The following RNF214 variants were observed in gnomAD, a reference collection of about 807,000 sequenced individuals.
RNF214 encodes ring finger protein 214.
Under a neutral mutation model 75.9 loss-of-function variants are expected in RNF214, and 25 were observed. That is an observed-to-expected ratio of 0.33 (90% CI 0.24 to 0.46). The LOEUF (loss-of-function observed/expected upper bound fraction) is 0.46, where lower values mean the gene tolerates loss of function less well. Among genes scored for constraint, RNF214 ranks in the 20% least tolerant of loss-of-function variants. RNF214 has a pLI of 1.00. For synonymous variants in RNF214, 314 were observed against 308.8 expected (o/e 1.02, Z -0.18); for missense variants, 725 against 857.5 (o/e 0.85, Z 1.93).
intron 6 of RNF214, among the ~76,000 whole-genome samples, chr11:117,272,265 C>T (rs946959931): frequency 6.6e-6 from 1 of 152,174 alleles, no homozygotes; most frequent in Non-Finnish European, 1.5e-5. Context: ...GCCACCTTGC[C>T]TGGACCAAAG....
chr11:117,281,592 T>A lies in RNF214; in HGVS notation c.1237-8T>A. On this transcript the variant is annotated splice_polypyrimidine_tract_variant and splice_region_variant and intron_variant, in intron 9 of 14. Coordinates refer to ENST00000300650, the MANE Select transcript of RNF214 (RefSeq NM_207343.4). ...TTCAGCAGTAAAAATAATCCTTTTT[T>A]TTTTTAGGACCAATTTAATAGTCAT... The A allele has an allele frequency of 1.2e-6, 2 of 1,603,624 alleles. No individual in the cohort carries two copies. Among genetic ancestry groups the A allele is most frequent in the Admixed American group, 3.3e-5 (2 of 59,920 alleles).
In RNF214 at chr11:117,281,958, T is replaced by A; in HGVS notation, c.1400T>A (p.Ile467Asn). 6.2e-7 allele frequency: 1 copy of A among 1,614,050 alleles called. No homozygotes were observed. Among genetic ancestry groups the A allele is most frequent in the Non-Finnish European group, 8.5e-7 (1 of 1,179,916 alleles). Residue 467 changes from isoleucine (I) to asparagine (N), a missense_variant, in exon 11 of 15, where the codon ATT becomes AAT. Ile to Asn is a moderately radical substitution (Grantham distance 149). Transcript: ENST00000300650. ...PSLAPRMPFSIGQVTMPMVMP... is the reference protein window; with the variant it reads ...PSLAPRMPFSNGQVTMPMVMP... ...CTGGCTCCTCGGATGCCCTTCTCCA[T>A]TGGGCAGGTCACAATGCCCATGGTT...
intron 6 of RNF214, among the ~76,000 whole-genome samples, chr11:117,273,646 A>G (rs1394048491): frequency 1.3e-5 from 2 of 152,208 alleles, no homozygotes; most frequent in African/African-American, 2.4e-5. Context: ...TAATGATTGC[A>G]GAGCATTGAG....
At chr11:117,266,803 A>G (rs923455504) in intron 6 of RNF214, among the ~76,000 whole-genome samples, 7 of 147,874 alleles carry the variant, frequency 4.7e-5, no homozygotes, top group African/African-American at 7.5e-5. Flanking sequence ...TTTCTTTGCA[A>G]TTTTTTTGTT....
Position 117,265,516 on chromosome 11 carries a change from C to T in RNF214, c.960-14392C>T, listed in dbSNP as rs138333610. 2.2e-4 allele frequency among the ~76,000 whole-genome samples: 33 copies of T among 152,060 alleles called. 2 individuals carry two copies. Among genetic ancestry groups the T allele is most frequent in the African/African-American group, 6.3e-4 (26 of 41,484 alleles). On this transcript the variant is annotated intron_variant, in intron 6 of 14. Coordinates refer to ENST00000300650, the MANE Select transcript of RNF214 (RefSeq NM_207343.4). ...GCAACCTCTGCCTCCAGGGTTCAAG[C>T]GATTCTCCTGTCTCAGTCTCCTGAG...
At chr11:117,267,154 G>C (rs11216343) in intron 6 of RNF214, among the ~76,000 whole-genome samples, 1 of 152,068 alleles carries the variant, frequency 6.6e-6, no homozygotes, top group Non-Finnish European at 1.5e-5. Context: ...GATTTTATCA[G>C]ATATGTATTT....
Position 117,282,477 on chromosome 11 carries a change from C to A in RNF214, c.1786C>A (p.Leu596Ile). Residue 596 changes from leucine to isoleucine, a missense_variant, in exon 12 of 15, where the codon CTT becomes ATT. This residue lies in a region of RNF214 where 363 missense variants were observed against 513.0 expected (regional missense o/e 0.71). Transcript: ENST00000300650. The stretch of plus-strand genomic sequence containing the variant: ...CATGGCAGGCCTGACCATGGAGGAA[C>A]TTATCCAGTTGGTTGCTGCACGACT... ...TTMAGLTMEELIQLVAARLAE... is the reference protein window; with the variant it reads ...TTMAGLTMEEIIQLVAARLAE... 6 of 1,614,168 alleles carry A rather than the reference C, an allele frequency of 3.7e-6. No individual in the cohort carries two copies. Among genetic ancestry groups the A allele is most frequent in the Non-Finnish European group, 4.2e-6 (5 of 1,180,034 alleles).
intron 4 of RNF214, among the ~76,000 whole-genome samples, chr11:117,240,365 A>ATT (rs1368298154): frequency 7.3e-6 from 1 of 137,164 alleles, no homozygotes; most frequent in Admixed American, 7.8e-5. Flanking sequence ...ACAGAGTGAG[A>ATT]CCCTGTCTCA....
At chr11:117,252,818 C>A (rs1591825593) in intron 6 of RNF214, among the ~76,000 whole-genome samples, 2 of 152,154 alleles carry the variant, frequency 1.3e-5, no homozygotes, top group African/African-American at 4.8e-5. Flanking sequence ...CCTCACCTGG[C>A]CTGAAATTTT....
chr11:117,270,404 T>G lies in RNF214; in HGVS notation c.960-9504T>G, dbSNP rs138270836. Among the ~76,000 whole-genome samples the G allele has an allele frequency of 6.0e-3, 919 of 151,918 alleles. 8 individuals carry two copies. Among genetic ancestry groups the G allele is most frequent in the African/African-American group, 0.021 (852 of 41,472 alleles). ...TCCCAAGTAGCTGGGCCTACAAGCATGTGCCACCACACCACTCTAATTTAT... is the reference window on the plus strand; with the variant it reads ...TCCCAAGTAGCTGGGCCTACAAGCAGGTGCCACCACACCACTCTAATTTAT... On this transcript the variant is annotated intron_variant, in intron 6 of 14. Transcript: ENST00000300650.
At chr11:117,269,185 C>T (rs1269328187) in intron 6 of RNF214, among the ~76,000 whole-genome samples, 2 of 151,966 alleles carry the variant, frequency 1.3e-5, no homozygotes, top group African/African-American at 4.8e-5. Flanking sequence ...AGGAGGATTG[C>T]TTGAGGCCAG....
chr11:117,281,848 C>G (rs2034133597), intron 10 of RNF214, 46 bp from the exon 11 acceptor site: 1 of 1,590,162 alleles, frequency 6.3e-7, no homozygotes, highest in African/African-American at 1.4e-5. Context: ...CCTAAACTTT[C>G]TTTTTCTTCC....
chr11:117,244,521 A>G lies in RNF214; in HGVS notation c.755A>G (p.Asn252Ser), dbSNP rs1442226311. 1.4e-5 allele frequency: 22 copies of G among 1,612,826 alleles called. No individual in the cohort carries two copies. The highest frequency in any genetic ancestry group is 1.9e-5 in the Non-Finnish European group (22 of 1,179,224). The change falls in exon 5 of 15, where the codon AAT becomes AGT. Residue 252 changes from asparagine to serine, a missense_variant. Asn to Ser is a conservative substitution (Grantham distance 46). Coordinates refer to ENST00000300650, the MANE Select transcript of RNF214 (RefSeq NM_207343.4). ...EVLDKQRQVE[N>S]QLQVQLKQLQ... Reference sequence around the variant, plus strand: ...CTGGACAAACAGAGGCAAGTGGAGAATCAGCTCCAAGTGCAATTAAAGCAG... The same window carrying G: ...CTGGACAAACAGAGGCAAGTGGAGAGTCAGCTCCAAGTGCAATTAAAGCAG...
At position 117,281,306 on chromosome 11, in the gene RNF214, C is replaced by G. The variant is rs369582263; in HGVS notation, c.1146-8C>G. 3 of 1,605,866 alleles carry G rather than the reference C, an allele frequency of 1.9e-6. No homozygotes were observed. The highest frequency in any genetic ancestry group is 1.3e-5 in the African/African-American group (1 of 74,768). ...TAAATCTGTAAATTCCTGTTGGTTT[C>G]TTGAAAGGTCAACTCCCCCAACACT... On this transcript the variant is annotated splice_region_variant and splice_polypyrimidine_tract_variant and intron_variant, in intron 8 of 14. Coordinates refer to ENST00000300650, the MANE Select transcript of RNF214 (RefSeq NM_207343.4).
intron 6 of RNF214, among the ~76,000 whole-genome samples, chr11:117,278,270 C>T (rs2034056308): frequency 6.6e-6 from 1 of 152,164 alleles, no homozygotes; most frequent in African/African-American, 2.4e-5. Flanking sequence ...CGCCATTGCA[C>T]TCTAGCCTGG....
chr11:117,238,340 G>C (rs979964869), intron 2 of RNF214, among the ~76,000 whole-genome samples: 1 of 152,220 alleles, frequency 6.6e-6, no homozygotes, highest in Non-Finnish European at 1.5e-5. Context: ...AGGATGTTGA[G>C]ACTGTAGTGA....
intron 13 of RNF214, 23 bp from the exon 14 acceptor site, chr11:117,283,092 A>G (rs1424789380): frequency 6.4e-7 from 1 of 1,573,462 alleles, no homozygotes; most frequent in Non-Finnish European, 8.7e-7. Flanking sequence ...TTACCTTTTG[A>G]TCATGCCGCC....
chr11:117,250,600 T>TA (rs2134374565), intron 6 of RNF214, among the ~76,000 whole-genome samples: 1 of 49,716 alleles, frequency 2.0e-5, no homozygotes, highest in Non-Finnish European at 3.0e-5. Context: ...TTTATTTATT[T>TA]ATTTATTTAT....
At chr11:117,232,955 C>T (rs531227166) in intron 1 of RNF214, among the ~76,000 whole-genome samples, 244 of 151,444 alleles carry the variant, frequency 1.6e-3, no homozygotes, top group African/African-American at 5.7e-3. Flanking sequence ...GGGGTCTGGT[C>T]CGAGCCAGCG....
Sources: allele counts gnomAD v4.1 joint callset (sites outside exome capture counted in the v4.1 genomes callset), GRCh38; gene constraint gnomAD v4.1.1; regional missense constraint gnomAD v4.1.1; transcripts MANE v1.5; gene names NCBI Gene and HGNC (gene_info 2026-07-23, HGNC 2026-07-21).